The following PHLDB1 variants were observed in gnomAD, a reference collection of about 807,000 sequenced individuals.
PHLDB1 encodes the protein pleckstrin homology-like domain family B member 1.
PHLDB1 carries 65 observed loss-of-function variants against 139.3 expected under a neutral mutation model. The observed-to-expected ratio is 0.47, with a 90% CI of 0.38 to 0.57. PHLDB1 has a LOEUF of 0.57. Among genes scored for constraint, PHLDB1 ranks in the 20% least tolerant of loss-of-function variants. The pLI is 0.00. For synonymous variants in PHLDB1, 679 were observed against 734.5 expected, an observed-to-expected ratio of 0.92 and a Z score of 1.22; for missense variants, 1,624 against 1,839.7, an observed-to-expected ratio of 0.88 and a Z score of 2.14.
chr11:118,650,051 C>T lies in PHLDB1; in HGVS notation c.3655-26C>T. ...GAATAATGAGGGAAGAGAGGAGACTCTCCTGACCCTCCCTCTTGCTCCCAG... is the reference window on the plus strand; with the variant it reads ...GAATAATGAGGGAAGAGAGGAGACTTTCCTGACCCTCCCTCTTGCTCCCAG... On this transcript the variant is annotated intron_variant, in intron 18 of 22. Transcript: ENST00000600882. This position sits in a 1 kb window ranked among gnomAD's most constrained non-coding sequence, Gnocchi z 4.7. 1 of 1,541,612 alleles carries T rather than the reference C, an allele frequency of 6.5e-7. No individual in the cohort carries two copies.
Position 118,611,499 on chromosome 11 carries a change from T to C in PHLDB1, c.-21-2317T>C, listed in dbSNP as rs529438915. ...GGCGATAGTGACCAATACTCCAATA[T>C]GACAGATAAATAAACTAACGCCCAG... On this transcript the variant is annotated intron_variant, in intron 1 of 22. Transcript: ENST00000600882. This position sits in a 1 kb window ranked among gnomAD's most constrained non-coding sequence, Gnocchi z 4.7. Among the ~76,000 whole-genome samples, 13 of 152,250 alleles carry C rather than the reference T, an allele frequency of 8.5e-5. No individual in the cohort carries two copies. In the East Asian group the frequency reaches 2.1e-3, roughly 25 times the overall value.
chr11:118,630,302 C>T (rs906116318), intron 6 of PHLDB1, among the ~76,000 whole-genome samples: 36 of 152,124 alleles, frequency 2.4e-4, no homozygotes, highest in African/African-American at 8.7e-4. Context: ...CTCCTAGGCC[C>T]CTGAGAGGTG....
rs201773911 is a variant in PHLDB1 at position 118,645,380 on chromosome 11, G to A, written c.3146G>A (p.Arg1049Gln). 1.9e-5 allele frequency: 29 copies of A among 1,519,764 alleles called. No homozygotes were observed. Among genetic ancestry groups the A allele is most frequent in the Middle Eastern group, 1.8e-4 (1 of 5,630 alleles). 94.1% of individuals were successfully genotyped at this position (1,519,764 alleles called of 1,614,324 possible). A position where few individuals can be genotyped will look rare whatever the true frequency, so the allele number is the denominator to read the frequency against. The change falls in exon 16 of 23, where the codon CGG becomes CAG. Residue 1049 changes from arginine (R) to glutamine (Q), a missense_variant. Arg to Gln is a conservative substitution (Grantham distance 43). Transcript: ENST00000600882. The surrounding 1 kb of genome is among the most constrained non-coding windows in gnomAD (Gnocchi z 5.1). The stretch of plus-strand genomic sequence containing the variant: ...GGACAACAAGTGATTGAAGAGCAGC[G>A]GCGGCGACTGGCTGAGCTGAAGCAG... Reference protein sequence around the residue: ...QKGQQVIEEQRRRLAELKQKA... With the variant: ...QKGQQVIEEQQRRLAELKQKA...
intron 10 of PHLDB1, 93 bp from the exon 11 acceptor site, chr11:118,638,798 G>A (rs1188989830): frequency 1.1e-6 from 1 of 906,866 alleles, no homozygotes; most frequent in African/African-American, 1.7e-5. Flanking sequence ...CTTCACCTGA[G>A]CCTTGAGTGT....
At position 118,656,794 on chromosome 11, in the gene PHLDB1, G is replaced by A; in HGVS notation, c.4105G>A (p.Ala1369Thr). Residue 1369 changes from alanine (A) to threonine (T), a missense_variant, in exon 23 of 23, where the codon GCT becomes ACT. Transcript: ENST00000600882. ...CTGGATGGATGTCATTGTCACAGGGGCTGAGGGCTACACTCAGTTCATGAA... is the reference window on the plus strand; with the variant it reads ...CTGGATGGATGTCATTGTCACAGGGACTGAGGGCTACACTCAGTTCATGAA... The part of the protein sequence containing the change: ...RIWMDVIVTG[A>T]EGYTQFMN The A allele has an allele frequency of 3.1e-6, 5 of 1,614,036 alleles. No homozygotes were observed. In the East Asian group the frequency reaches 1.1e-4, roughly 36 times the overall value.
chr11:118,610,932 G>T lies in PHLDB1; in HGVS notation c.-21-2884G>T, dbSNP rs1365905109. On this transcript the variant is annotated intron_variant, in intron 1 of 22. Coordinates refer to ENST00000600882, the MANE Select transcript of PHLDB1 (RefSeq NM_001144758.3). This position sits in a 1 kb window ranked among gnomAD's most constrained non-coding sequence, Gnocchi z 8.7. The stretch of plus-strand genomic sequence containing the variant: ...GCCTCCGCCACTCGGCTGCCGGGGC[G>T]GCACTGGGGCGTCTGTACCCAGCGT... 6.6e-6 allele frequency among the ~76,000 whole-genome samples: 1 copy of T among 152,146 alleles called. No homozygotes were observed. Among genetic ancestry groups the T allele is most frequent in the Non-Finnish European group, 1.5e-5 (1 of 68,012 alleles).
Position 118,642,234 on chromosome 11 carries a change from C to T in PHLDB1, c.2737-20C>T, listed in dbSNP as rs782225825. 1.2e-6 allele frequency: 2 copies of T among 1,610,178 alleles called. No individual in the cohort carries two copies. Among genetic ancestry groups the T allele is most frequent in the South Asian group, 2.2e-5 (2 of 91,036 alleles). On this transcript the variant is annotated intron_variant, in intron 12 of 22. Transcript: ENST00000600882. ...TCCTCCCCTCCTGTCCCCTTTTCCC[C>T]TCCCCATTCCCACCTCCAGATGGAG...
intron 4 of PHLDB1, among the ~76,000 whole-genome samples, chr11:118,621,048 C>G (rs1942664673): frequency 6.6e-6 from 1 of 151,382 alleles, no homozygotes; most frequent in African/African-American, 2.4e-5. Flanking sequence ...GCCAGCCCAG[C>G]TGCCACTGAC....
rs2136975619 is a variant in PHLDB1, at chr11:118,650,263, T to A, written c.3771+70T>A. The A allele has an allele frequency of 8.1e-7, 1 of 1,227,398 alleles. No individual in the cohort carries two copies. The highest frequency in any genetic ancestry group is 1.2e-5 in the South Asian group (1 of 82,894). 76.0% of individuals were successfully genotyped at this position (1,227,398 alleles called of 1,614,324 possible). ...CCCGTGGTGAGAGGCACCTCCTGGGTCGTTGGAATAGTGGCGTCAGTCTCT... is the reference window on the plus strand; with the variant it reads ...CCCGTGGTGAGAGGCACCTCCTGGGACGTTGGAATAGTGGCGTCAGTCTCT... On this transcript the variant is annotated intron_variant, in intron 19 of 22. Transcript: ENST00000600882. This position sits in a 1 kb window ranked among gnomAD's most constrained non-coding sequence, Gnocchi z 4.7.
In PHLDB1 at chr11:118,628,370, C is replaced by T. The variant is rs576335763; in HGVS notation, c.1547C>T (p.Thr516Ile). 46 of 1,611,256 alleles carry T rather than the reference C, an allele frequency of 2.9e-5. 3 individuals are homozygous for T. In the South Asian group the frequency reaches 5.1e-4, roughly 18 times the overall value. ...SLTLGARGRR[T>I]RSPSPTLGES... ...ACGCTGGGGGCACGGGGCCGTAGGACACGGAGCCCCTCACCCACACTGGGT... is the reference window on the plus strand; with the variant it reads ...ACGCTGGGGGCACGGGGCCGTAGGATACGGAGCCCCTCACCCACACTGGGT... Residue 516 changes from threonine to isoleucine, a missense_variant, in exon 6 of 23, where the codon ACA becomes ATA. By Grantham distance (89) the Thr-to-Ile change is moderately conservative. Coordinates refer to ENST00000600882, the MANE Select transcript of PHLDB1 (RefSeq NM_001144758.3).
chr11:118,641,804 T>C (rs1006742182), intron 12 of PHLDB1: 2 of 1,281,578 alleles, frequency 1.6e-6, no homozygotes, highest in African/African-American at 1.5e-5. Flanking sequence ...TTGTGAGTTC[T>C]TGCTACCCCC....
chr11:118,625,203 A>G (rs782569670), intron 5 of PHLDB1, 144 bp downstream of exon 5: 51 of 991,854 alleles, frequency 5.1e-5, no homozygotes, highest in Admixed American at 1.5e-4. Flanking sequence ...GGGCGGGTGG[A>G]GAATGCCAGG....
intron 4 of PHLDB1, chr11:118,621,520 C>T (rs1555094982): frequency 6.6e-6 from 1 of 152,154 alleles, no homozygotes; most frequent in Admixed American, 6.5e-5. Context: ...GCGAGCGGTC[C>T]GGAGGTCCGG....
rs533567951 is a variant in PHLDB1 at position 118,627,179 on chromosome 11, C to T, written c.482-126C>T. ...GTGGCAGAGCTAGCTGGTACCAGAACCACATCTCCTGGCTTCTTCTCCAGA... is the reference window on the plus strand; with the variant it reads ...GTGGCAGAGCTAGCTGGTACCAGAATCACATCTCCTGGCTTCTTCTCCAGA... On this transcript the variant is annotated intron_variant, in intron 5 of 22. Transcript: ENST00000600882. 15 of 919,522 alleles carry T rather than the reference C, an allele frequency of 1.6e-5. No homozygotes were observed. The South Asian group carries it at 2.1e-4, about 13-fold the overall frequency. 57.0% of individuals were successfully genotyped at this position (919,522 alleles called of 1,614,324 possible).
chr11:118,656,692 C>T lies in PHLDB1; in HGVS notation c.4003C>T (p.Pro1335Ser). 1 of 1,613,818 alleles carries T rather than the reference C, an allele frequency of 6.2e-7. No individual in the cohort carries two copies. Among genetic ancestry groups the T allele is most frequent in the Non-Finnish European group, 8.5e-7 (1 of 1,179,776 alleles). ...TCTCTTCCTTTGGCAGAGCCCGAAC[C>T]CAGCCCTCACCTTCTGCGTAAAGAC... ...RFTMVTESPNPALTFCVKTHD... is the reference protein window; with the variant it reads ...RFTMVTESPNSALTFCVKTHD... Residue 1335 changes from proline to serine, a missense_variant, in exon 23 of 23, where the codon CCA becomes TCA. By Grantham distance (74) the Pro-to-Ser change is moderately conservative. Coordinates refer to ENST00000600882, the MANE Select transcript of PHLDB1 (RefSeq NM_001144758.3).
chr11:118,613,615 G>A, intron 1 of PHLDB1: 1 of 606,772 alleles, frequency 1.6e-6, no homozygotes, highest in Non-Finnish European at 2.7e-6. Context: ...TATCCATGCT[G>A]TGGCTGGCTG....
chr11:118,644,017 G>T, intron 14 of PHLDB1, 55 bp from the exon 15 acceptor site: 1 of 1,605,426 alleles, frequency 6.2e-7, no homozygotes, highest in Non-Finnish European at 8.5e-7. Context: ...CAAGACCTTG[G>T]GAATGGGGGT....
intron 2 of PHLDB1, 81 bp from the exon 3 acceptor site, chr11:118,614,478 G>C (rs1941181249): frequency 3.3e-6 from 5 of 1,514,858 alleles, no homozygotes; most frequent in East Asian, 2.3e-5. Context: ...GCGAGGGCTG[G>C]AGAGAGTGCT....
chr11:118,638,881 T>A lies in PHLDB1; in HGVS notation c.2536-10T>A. ...CCCCAGGGCCTGATCAACCACCCCATCTCCTTTAGGAGCGCCTGGCCATCC... is the reference window on the plus strand; with the variant it reads ...CCCCAGGGCCTGATCAACCACCCCAACTCCTTTAGGAGCGCCTGGCCATCC... On this transcript the variant is annotated splice_polypyrimidine_tract_variant and intron_variant, in intron 10 of 22. Transcript: ENST00000600882. 1 of 1,598,138 alleles carries A rather than the reference T, an allele frequency of 6.3e-7. No homozygotes were observed. The highest frequency in any genetic ancestry group is 2.2e-5 in the East Asian group (1 of 44,462).
Sources: allele counts gnomAD v4.1 joint callset (sites outside exome capture counted in the v4.1 genomes callset), GRCh38; gene constraint gnomAD v4.1.1; non-coding constraint Gnocchi (gnomAD v3.1); transcripts MANE v1.5; gene names NCBI Gene and HGNC (gene_info 2026-07-23, HGNC 2026-07-21).